Variants in SNX7 observed in about 807,000 individuals in gnomAD.
SNX7 encodes sorting nexin-7.
A neutral mutation model predicts 48.4 loss-of-function variants in SNX7; 35 were observed. That is an observed-to-expected ratio of 0.72 (90% confidence interval 0.55 to 0.96). The LOEUF (loss-of-function observed/expected upper bound fraction) is 0.96. Ranked by LOEUF, SNX7 falls within the 40% of genes least tolerant of loss-of-function variation. The pLI is 0.00. For synonymous variants in SNX7, 190 were observed against 190.2 expected (o/e 1.00, Z 0.01); for missense variants, 553 against 548.9 (o/e 1.01, Z -0.07).
chr1:98,679,358 A>G (rs1273921871), intron 1 of SNX7, among the ~76,000 whole-genome samples: 1 of 152,164 alleles, frequency 6.6e-6, no homozygotes, highest in African/African-American at 2.4e-5. Context: ...GGGAGTTACA[A>G]TTCAAGATGA....
chr1:98,662,604 C>G lies in SNX7; in HGVS notation c.180+693C>G, dbSNP rs1056250893. On this transcript the variant is annotated intron_variant, in intron 1 of 8. Coordinates refer to ENST00000306121, the MANE Select transcript of SNX7 (RefSeq NM_015976.5). ...TATTTTACTGTTGGAGGGAAATTGA[C>G]TTGTGGGGGCTAGTGGTAGACTTTT... is the stretch of plus-strand genomic sequence containing the variant. The G allele has an allele frequency of 1.1e-4, 127 of 1,111,826 alleles. 3 individuals are homozygous for G. Among genetic ancestry groups the G allele is most frequent in the Non-Finnish European group, 5.9e-5 (51 of 859,266 alleles). 68.9% of individuals were successfully genotyped at this position (1,111,826 alleles called of 1,614,324 possible).
intron 1 of SNX7, chr1:98,662,466 C>G (rs960213616): frequency 3.1e-6 from 1 of 317,542 alleles, no homozygotes; most frequent in Non-Finnish European, 6.2e-6. Context: ...GAAGCTCCTC[C>G]GCTGAGGAGC....
chr1:98,665,551 G>GA (rs1200814455), intron 1 of SNX7, among the ~76,000 whole-genome samples: 1 of 151,982 alleles, frequency 6.6e-6, no homozygotes, highest in Admixed American at 6.5e-5. Context: ...CAAGGCTTTT[G>GA]AAAAAAATCA....
intron 7 of SNX7, among the ~76,000 whole-genome samples, chr1:98,734,627 A>C (rs1653683495): frequency 6.6e-6 from 1 of 152,304 alleles, no homozygotes; most frequent in African/African-American, 2.4e-5. Context: ...AATGCAAAAA[A>C]TAGTCATGAT....
chr1:98,676,796 A>G (rs1394601411), intron 1 of SNX7, among the ~76,000 whole-genome samples: 1 of 152,204 alleles, frequency 6.6e-6, no homozygotes, highest in East Asian at 1.9e-4. Flanking sequence ...TGGATCTGAG[A>G]TATTTTGGAA....
chr1:98,671,226 T>G (rs1052460156), intron 1 of SNX7, among the ~76,000 whole-genome samples: 6 of 152,290 alleles, frequency 3.9e-5, no homozygotes, highest in Non-Finnish European at 7.4e-5. Flanking sequence ...TGGAGTCACC[T>G]TAAGTATATA....
chr1:98,690,498 T>C (rs1417880398), intron 2 of SNX7, among the ~76,000 whole-genome samples: 1 of 152,114 alleles, frequency 6.6e-6, no homozygotes, highest in South Asian at 2.1e-4. Context: ...AGATTTTCTT[T>C]TCACATCAAA....
intron 7 of SNX7, among the ~76,000 whole-genome samples, chr1:98,707,256 C>G (rs1284719849): frequency 6.6e-6 from 1 of 152,094 alleles, no homozygotes; most frequent in Non-Finnish European, 1.5e-5. Flanking sequence ...GGTCATCCAA[C>G]TTTTTAAACC....
chr1:98,703,886 G>C (rs936053502), intron 7 of SNX7, among the ~76,000 whole-genome samples: 3 of 151,938 alleles, frequency 2.0e-5, no homozygotes, highest in Admixed American at 2.0e-4. Context: ...TGAAATACTA[G>C]AAACAGTAGA....
chr1:98,687,094 G>T (rs1650843268), intron 2 of SNX7, among the ~76,000 whole-genome samples: 1 of 152,060 alleles, frequency 6.6e-6, no homozygotes, highest in South Asian at 2.1e-4. Context: ...TGACTGCTTT[G>T]TGCCAGGTAA....
chr1:98,689,975 G>T (rs1651026655), intron 2 of SNX7, among the ~76,000 whole-genome samples: 1 of 152,084 alleles, frequency 6.6e-6, no homozygotes, highest in Non-Finnish European at 1.5e-5. Flanking sequence ...GTTGTACAAA[G>T]ATACATTGTA....
chr1:98,760,011 T>C, intron 8 of SNX7, 43 bp from the exon 9 acceptor site: 1 of 1,279,166 alleles, frequency 7.8e-7, no homozygotes, highest in Non-Finnish European at 1.1e-6. Flanking sequence ...ACACTGAAAG[T>C]AAACTATTGT....
upstream of SNX7, chr1:98,661,604 T>A: frequency 1.1e-6 from 1 of 891,968 alleles, no homozygotes; most frequent in Non-Finnish European, 1.4e-6. Flanking sequence ...GTTCCGCGTC[T>A]GCGCAGCGGG....
At chr1:98,662,612 G>T in intron 1 of SNX7, 1 of 1,161,988 alleles carries the variant, frequency 8.6e-7, no homozygotes, top group Non-Finnish European at 1.1e-6. Context: ...GACTTGTGGG[G>T]GCTAGTGGTA....
chr1:98,712,694 A>G (rs1652377088), intron 7 of SNX7, among the ~76,000 whole-genome samples: 1 of 152,182 alleles, frequency 6.6e-6, no homozygotes, highest in African/African-American at 2.4e-5. Context: ...TAAAATCACC[A>G]ACTACATTAG....
At chr1:98,712,756 T>C (rs1473617575) in intron 7 of SNX7, among the ~76,000 whole-genome samples, 1 of 152,126 alleles carries the variant, frequency 6.6e-6, no homozygotes, top group African/African-American at 2.4e-5. Flanking sequence ...TGACTTTTCC[T>C]CTCTAGCTAT....
Position 98,738,283 on chromosome 1 carries a change from A to AT in SNX7, c.1173dup (p.Asn392Ter). On this transcript the variant is annotated frameshift_variant, in exon 8 of 9. Transcript: ENST00000306121. LOFTEE classifies it high-confidence loss of function. ...CTTGAAGATAAAGTGGAATGTGCTA[A>AT]TAATGCCCTGAAAGCAGATTGGGAG... The AT allele has an allele frequency of 1.9e-6, 3 of 1,613,616 alleles. No homozygotes were observed. The highest frequency in any genetic ancestry group is 2.5e-6 in the Non-Finnish European group (3 of 1,179,762).
chr1:98,690,669 A>G (rs1651069957), intron 2 of SNX7, among the ~76,000 whole-genome samples: 1 of 152,064 alleles, frequency 6.6e-6, no homozygotes. Context: ...CAAAAATAGG[A>G]CTTTCCTCAA....
chr1:98,742,810 T>A (rs1654135582), intron 8 of SNX7, among the ~76,000 whole-genome samples: 1 of 151,954 alleles, frequency 6.6e-6, no homozygotes, highest in Admixed American at 6.6e-5. Flanking sequence ...TCTGCATGGG[T>A]CTTTGGAATG....
Sources: allele counts gnomAD v4.1 joint callset (sites outside exome capture counted in the v4.1 genomes callset), GRCh38; gene constraint gnomAD v4.1.1; transcripts MANE v1.5; gene names NCBI Gene and HGNC (gene_info 2026-07-23, HGNC 2026-07-21).